Variants in BMP1 observed in about 807,000 individuals in gnomAD.
BMP1 encodes the protein mammalian tolloid protein.
BMP1 carries 63 observed loss-of-function variants against 116.8 expected under a neutral mutation model. The ratio of observed to expected loss-of-function variants is 0.54; its 90% CI spans 0.44 to 0.67. The LOEUF is 0.67. Ranked by LOEUF, BMP1 falls within the 30% of genes least tolerant of loss-of-function variation. BMP1 has a pLI of 0.00. For synonymous variants in BMP1, 536 were observed against 533.4 expected, an observed-to-expected ratio of 1.00 and a Z score of -0.07; for missense variants, 1,183 against 1,358.9, an observed-to-expected ratio of 0.87 and a Z score of 2.04.
At chr8:22,199,128 C>T (rs150537052) in intron 15 of BMP1, 50 of 1,367,670 alleles carry the variant, frequency 3.7e-5, no homozygotes, top group African/African-American at 8.8e-5. Flanking sequence ...CAGCCCTGCA[C>T]GGAGACACAC....
At chr8:22,178,080 G>C in intron 6 of BMP1, 123 bp downstream of exon 6, 1 of 785,326 alleles carries the variant, frequency 1.3e-6, no homozygotes, top group Non-Finnish European at 2.0e-6. Context: ...CCCTCTGGGG[G>C]GCTGTGGCCT....
Position 22,206,890 on chromosome 8 carries a change from C to A in BMP1, c.2270C>A (p.Thr757Asn). The change falls in exon 17 of 20, where the codon ACC (threonine) becomes AAC (asparagine). Residue 757 changes from threonine (T) to asparagine (N), a missense_variant. Physicochemically the swap from Thr to Asn is moderately conservative, Grantham distance 65 (BLOSUM62 0). This residue lies in a region of BMP1 where 956 missense variants were observed against 1,135.2 expected (regional missense o/e 0.84). Coordinates refer to ENST00000306385, the MANE Select transcript of BMP1 (RefSeq NM_006129.5). ...CDHKVTSTSG[T>N]ITSPNWPDKY... ...CACAAGGTGACATCCACCAGTGGTA[C>A]CATCACCAGCCCCAACTGGCCTGAC... 1 of 1,614,160 alleles carries A rather than the reference C, an allele frequency of 6.2e-7. No individual in the cohort carries two copies. Among genetic ancestry groups the A allele is most frequent in the African/African-American group, 1.3e-5 (1 of 75,036 alleles).
chr8:22,185,902 C>A (rs1325363708), intron 8 of BMP1, among the ~76,000 whole-genome samples: 1 of 137,334 alleles, frequency 7.3e-6, no homozygotes, highest in Non-Finnish European at 1.5e-5. Flanking sequence ...ATGACACGAT[C>A]TTGGCTCAAT....
At chr8:22,166,846 GC>G (rs1161005902) in intron 1 of BMP1, among the ~76,000 whole-genome samples, 1 of 152,180 alleles carries the variant, frequency 6.6e-6, no homozygotes, top group Non-Finnish European at 1.5e-5. Context: ...CTCGCTGGGG[GC>G]TGGGAGTGGG....
rs747614043 is a variant in BMP1, at chr8:22,206,856, G to A, written c.2236G>A (p.Gly746Ser). 3.2e-5 allele frequency: 51 copies of A among 1,613,964 alleles called. No individual in the cohort carries two copies. The highest frequency in any genetic ancestry group is 9.9e-5 in the South Asian group (9 of 91,074). The change falls in exon 17 of 20, where the codon GGC becomes AGC. Residue 746 changes from glycine (G) to serine (S), a missense_variant and splice_region_variant. Gly to Ser is a moderately conservative substitution (Grantham distance 56, BLOSUM62 0). This residue lies in a region of BMP1 where 956 missense variants were observed against 1,135.2 expected (regional missense o/e 0.84). Coordinates refer to ENST00000306385, the MANE Select transcript of BMP1 (RefSeq NM_006129.5). ...TTCCGTCACTCGCTTCCCTGCAGCC[G>A]GCTGTGACCACAAGGTGACATCCAC... ...HDNKHDCKEA[G>S]CDHKVTSTSG...
intron 8 of BMP1, among the ~76,000 whole-genome samples, chr8:22,190,088 T>A (rs79722085): frequency 3.3e-5 from 5 of 151,136 alleles, no homozygotes; most frequent in African/African-American, 7.3e-5. Flanking sequence ...ACCTGGCTAA[T>A]TTTTTTTTGT....
Position 22,179,699 on chromosome 8 carries a change from C to G in BMP1, c.837-6C>G, listed in dbSNP as rs762554460. The G allele has an allele frequency of 1.2e-6, 2 of 1,613,858 alleles. No individual in the cohort carries two copies. The highest frequency in any genetic ancestry group is 1.7e-6 in the Non-Finnish European group (2 of 1,179,822). On this transcript the variant is annotated splice_polypyrimidine_tract_variant and splice_region_variant and intron_variant, in intron 6 of 19. Transcript: ENST00000306385. This position sits in a 1 kb window ranked among gnomAD's most constrained non-coding sequence, Gnocchi z 4.6. ...GCTCACCCTTACTTTTCTCCCTCTT[C>G]TTCAGGGGCATCTTCCTGGATACCA...
At chr8:22,207,036 A>G in intron 17 of BMP1, 55 bp downstream of exon 17, 2 of 1,600,624 alleles carry the variant, frequency 1.2e-6, no homozygotes, top group South Asian at 2.2e-5. Flanking sequence ...GGTCAGAGGC[A>G]CTGCCCAGAG....
rs189826360 is a variant in BMP1 at position 22,196,245 on chromosome 8, G to A, written c.1766-435G>A. The A allele has an allele frequency of 9.9e-4, 524 of 529,446 alleles. 2 individuals are homozygous for A. Among genetic ancestry groups the A allele is most frequent in the Non-Finnish European group, 4.7e-4 (126 of 267,258 alleles). The allele number at this position is 529,446 out of a possible 1,614,324, so 32.8% of individuals were successfully genotyped here. A position where few individuals can be genotyped will look rare whatever the true frequency, so the allele number is the denominator to read the frequency against. On this transcript the variant is annotated intron_variant, in intron 13 of 19. Transcript: ENST00000306385. ...ACAGACACTGTTTCCGCCTCTCCACGCATGGTCCCGAGATGCTGGGGACAG... is the reference window on the plus strand; with the variant it reads ...ACAGACACTGTTTCCGCCTCTCCACACATGGTCCCGAGATGCTGGGGACAG...
At chr8:22,184,265 A>G (rs1476000049) in intron 8 of BMP1, among the ~76,000 whole-genome samples, 1 of 152,174 alleles carries the variant, frequency 6.6e-6, no homozygotes, top group Non-Finnish European at 1.5e-5. Context: ...TTGGGCTAGG[A>G]TCAGCTTCCT....
Position 22,209,615 on chromosome 8 carries a change from G to C in BMP1, c.2746G>C (p.Asp916His). 6.2e-7 allele frequency: 1 copy of C among 1,614,196 alleles called. No individual in the cohort carries two copies. The highest frequency in any genetic ancestry group is 1.1e-5 in the South Asian group (1 of 91,086). ...FQTFEVEEET[D>H]CGYDYMELFD... Reference sequence around the variant, plus strand: ...GACCTTTGAGGTGGAGGAGGAGACCGACTGCGGCTATGACTACATGGAGCT... The same window carrying C: ...GACCTTTGAGGTGGAGGAGGAGACCCACTGCGGCTATGACTACATGGAGCT... The change falls in exon 19 of 20, where the codon GAC becomes CAC. Residue 916 changes from aspartate to histidine, a missense_variant. By Grantham distance (81) the Asp-to-His change is moderately conservative. Transcript: ENST00000306385.
rs369498070 is a variant in BMP1, at chr8:22,197,260, G to A, written c.1947G>A (p.Val649=). 1 of 1,611,478 alleles carries A rather than the reference G, an allele frequency of 6.2e-7. No individual in the cohort carries two copies. Among genetic ancestry groups the A allele is most frequent in the Admixed American group, 1.7e-5 (1 of 59,934 alleles). The change falls in exon 15 of 20, where the codon GTG becomes GTA. Residue 649 remains valine (V), a synonymous_variant. Transcript: ENST00000306385. The part of the protein sequence containing the change: ...EGNDVCKYDF[V]EVRSGLTADS... The stretch of plus-strand genomic sequence containing the variant: ...TGCAGGTGTGCAAGTACGACTTCGT[G>A]GAGGTGCGCAGTGGACTCACAGCTG...
intron 8 of BMP1, among the ~76,000 whole-genome samples, chr8:22,182,539 G>C (rs1257864375): frequency 2.0e-5 from 3 of 152,130 alleles, no homozygotes; most frequent in African/African-American, 7.2e-5. Flanking sequence ...CATAAATGCT[G>C]AATACGTAAG....
At chr8:22,204,906 A>G (rs1029289469) in intron 16 of BMP1, among the ~76,000 whole-genome samples, 1 of 152,062 alleles carries the variant, frequency 6.6e-6, no homozygotes, top group Non-Finnish European at 1.5e-5. Context: ...GGCCTGGGAG[A>G]GCTCTTTCAG....
chr8:22,194,385 C>T lies in BMP1; in HGVS notation c.1298-60C>T, dbSNP rs1369896455. 6.2e-7 allele frequency: 1 copy of T among 1,600,860 alleles called. No individual in the cohort carries two copies. The highest frequency in any genetic ancestry group is 8.5e-7 in the Non-Finnish European group (1 of 1,172,296). On this transcript the variant is annotated intron_variant, in intron 10 of 19. Transcript: ENST00000306385. The surrounding 1 kb of genome is among the most constrained non-coding windows in gnomAD (Gnocchi z 4.5). Reference sequence around the variant, plus strand: ...CTGGAGGAGTGGGGAAAAGAGCTCCCTAGCAGGGCAAAGCATGCTGACTCA... The same window carrying T: ...CTGGAGGAGTGGGGAAAAGAGCTCCTTAGCAGGGCAAAGCATGCTGACTCA...
rs148242745 is a variant in BMP1 at position 22,201,197 on chromosome 8, C to A, written c.2108-606C>A. The stretch of plus-strand genomic sequence containing the variant: ...GAGTGCAGAAAAGAAACCGGACCCC[C>A]CAGTGAGGCCTGCCAGGCCTCCCGG... On this transcript the variant is annotated intron_variant, in intron 15 of 19. Coordinates refer to ENST00000306385, the MANE Select transcript of BMP1 (RefSeq NM_006129.5). The A allele has an allele frequency of 1.2e-6, 2 of 1,613,260 alleles. No individual in the cohort carries two copies. The highest frequency in any genetic ancestry group is 2.7e-5 in the African/African-American group (2 of 74,858).
intron 3 of BMP1, 80 bp downstream of exon 3, chr8:22,176,393 G>T (rs572471328): frequency 2.6e-6 from 4 of 1,558,230 alleles, no homozygotes; most frequent in Non-Finnish European, 3.5e-6. Flanking sequence ...GCACGGAGGC[G>T]TGGGTGCCAC....
In BMP1 at chr8:22,179,946, C is replaced by G. The variant is rs965593759; in HGVS notation, c.961+117C>G. On this transcript the variant is annotated intron_variant, in intron 7 of 19. Coordinates refer to ENST00000306385, the MANE Select transcript of BMP1 (RefSeq NM_006129.5). The surrounding 1 kb of genome is among the most constrained non-coding windows in gnomAD (Gnocchi z 4.6). ...CTGCAAGTCTTAGAGAATGGTGTGG[C>G]GGGGGAGGGGACCCCATAGGAGGGG... The G allele has an allele frequency of 8.5e-7, 1 of 1,180,616 alleles. No homozygotes were observed. Among genetic ancestry groups the G allele is most frequent in the Non-Finnish European group, 1.2e-6 (1 of 852,976 alleles). 73.1% of individuals were successfully genotyped at this position (1,180,616 alleles called of 1,614,324 possible). A position where few individuals can be genotyped will look rare whatever the true frequency, so the allele number is the denominator to read the frequency against.
Position 22,207,493 on chromosome 8 carries a change from G to C in BMP1, c.2552G>C (p.Gly851Ala). The C allele has an allele frequency of 6.2e-7, 1 of 1,613,558 alleles. No homozygotes were observed. Among genetic ancestry groups the C allele is most frequent in the Non-Finnish European group, 8.5e-7 (1 of 1,180,020 alleles). ...TCAGATAACTCGGTCCAGCGAAAGG[G>C]CTTCCAGGCCTCCCACGCCACAGGT... is the stretch of plus-strand genomic sequence containing the variant. The part of the protein sequence containing the change: ...FYSDNSVQRK[G>A]FQASHATECG... Residue 851 changes from glycine (G) to alanine (A), a missense_variant, in exon 18 of 20, where the codon GGC becomes GCC. Physicochemically the swap from Gly to Ala is moderately conservative, Grantham distance 60. Coordinates refer to ENST00000306385, the MANE Select transcript of BMP1 (RefSeq NM_006129.5).
Sources: allele counts gnomAD v4.1 joint callset (sites outside exome capture counted in the v4.1 genomes callset), GRCh38; gene constraint gnomAD v4.1.1; regional missense constraint gnomAD v4.1.1; non-coding constraint Gnocchi (gnomAD v3.1); transcripts MANE v1.5; gene names NCBI Gene and HGNC (gene_info 2026-07-23, HGNC 2026-07-21).